MCM3AP: variants seen among roughly 807,000 people sequenced by gnomAD.
The protein encoded by MCM3AP is germinal-center associated nuclear protein.
In MCM3AP, 126 loss-of-function variants were observed where a neutral mutation model predicts 184.1. The ratio of observed to expected loss-of-function variants is 0.68; its 90% CI spans 0.59 to 0.79. The LOEUF (loss-of-function observed/expected upper bound fraction) is 0.79, where lower values mean the gene tolerates loss of function less well. MCM3AP is among the 30% of genes least tolerant of loss of function. MCM3AP has a pLI of 0.00. For synonymous variants in MCM3AP, 1,002 were observed against 979.3 expected (o/e 1.02, Z -0.43); for missense variants, 2,496 against 2,479.2 (o/e 1.01, Z -0.14).
Position 46,267,272 on chromosome 21 carries a change from C to T in MCM3AP, c.2629-130G>A, listed in dbSNP as rs1437560198. 31 of 817,976 alleles carry T rather than the reference C, an allele frequency of 3.8e-5. No individual in the cohort carries two copies. In the Admixed American group the frequency reaches 4.3e-4, roughly 11 times the overall value. The allele number at this position is 817,976 out of a possible 1,614,324, so 50.7% of individuals were successfully genotyped here. On this transcript the variant is annotated intron_variant, in intron 9 of 27. Transcript: ENST00000291688. ...CTCCTGGGCTGAGTCCACCAGAAGG[C>T]GCTTTGGCAACACGGAACCCAAGCT...
intron 5 of MCM3AP, among the ~76,000 whole-genome samples, chr21:46,275,998 T>TC (rs1282450601): frequency 6.6e-6 from 1 of 152,210 alleles, no homozygotes; most frequent in African/African-American, 2.4e-5. Flanking sequence ...ACGCCTGTAA[T>TC]CCCAGCACTT....
intron 4 of MCM3AP, among the ~76,000 whole-genome samples, chr21:46,278,092 A>G (rs1367367770): frequency 6.6e-6 from 1 of 151,962 alleles, no homozygotes. Flanking sequence ...CAGAGGTTGC[A>G]GTGAGCTGAG....
intron 13 of MCM3AP, among the ~76,000 whole-genome samples, chr21:46,262,710 G>A (rs2081055493): frequency 6.6e-6 from 1 of 152,042 alleles, no homozygotes; most frequent in African/African-American, 2.4e-5. Flanking sequence ...GCTCACGCCT[G>A]TAATCCCAGC....
chr21:46,270,678 C>A (rs986491143), intron 8 of MCM3AP, 115 bp from the exon 9 acceptor site: 1 of 918,138 alleles, frequency 1.1e-6, no homozygotes, highest in African/African-American at 1.7e-5. Flanking sequence ...GTGGCTCACA[C>A]CTGTAATCCC....
intron 4 of MCM3AP, among the ~76,000 whole-genome samples, chr21:46,278,802 T>C (rs2081286663): frequency 6.6e-6 from 1 of 151,876 alleles, no homozygotes; most frequent in Non-Finnish European, 1.5e-5. Flanking sequence ...GCCTCACAAG[T>C]AGCTGGGACT....
Position 46,261,551 on chromosome 21 carries a change from A to G in MCM3AP, c.3336-140T>C, listed in dbSNP as rs560869427. On this transcript the variant is annotated intron_variant, in intron 13 of 27. Coordinates refer to ENST00000291688, the MANE Select transcript of MCM3AP (RefSeq NM_003906.5). ...AGATCAAGACCATTCTGGCCAACAC[A>G]GTGAAACCCCATCTCTACTAAAAAT... The G allele has an allele frequency of 2.5e-4, 178 of 706,458 alleles. No homozygotes were observed. The East Asian group carries it at 4.6e-3, about 18-fold the overall frequency. The allele number at this position is 706,458 out of a possible 1,614,324, so 43.8% of individuals were successfully genotyped here.
At chr21:46,277,350 T>A (rs989558124) in intron 5 of MCM3AP, among the ~76,000 whole-genome samples, 177 bp downstream of exon 5, 1 of 152,118 alleles carries the variant, frequency 6.6e-6, no homozygotes, top group African/African-American at 2.4e-5. Flanking sequence ...TATGTACACA[T>A]ACACGCAACA....
At chr21:46,279,274 AGACT>A (rs2081295529) in intron 4 of MCM3AP, among the ~76,000 whole-genome samples, 1 of 137,530 alleles carries the variant, frequency 7.3e-6, no homozygotes, top group South Asian at 2.4e-4. Context: ...GGCAACAGCC[AGACT>A]GTGTCTCAAA....
At position 46,237,829 on chromosome 21, in the gene MCM3AP, G is replaced by A. The variant is rs544550684; in HGVS notation, c.5634-850C>T. Among the ~76,000 whole-genome samples, 298 of 117,732 alleles carry A rather than the reference G, an allele frequency of 2.5e-3. 89 individuals are homozygous for A. The highest frequency in any genetic ancestry group is 4.4e-3 in the Middle Eastern group (1 of 228). 77.2% of individuals were successfully genotyped at this position (117,732 alleles called of 152,430 possible). A position where few individuals can be genotyped will look rare whatever the true frequency, so the allele number is the denominator to read the frequency against. The stretch of plus-strand genomic sequence containing the variant: ...AAAAAAAAAAACTAGGCTGGGCTCG[G>A]TGGCTCATGCCTGTAATCCCAACAC... On this transcript the variant is annotated intron_variant, in intron 26 of 27. Transcript: ENST00000291688.
At chr21:46,240,737 C>A in intron 26 of MCM3AP, 74 bp downstream of exon 26, 1 of 1,341,534 alleles carries the variant, frequency 7.5e-7, no homozygotes. Context: ...TTATATTAAT[C>A]AAGCAATAAC....
In MCM3AP at chr21:46,247,106, CAA is replaced by C. The variant is rs2080785919; in HGVS notation, c.4291-222_4291-221del. 3.5e-5 allele frequency: 18 copies of C among 515,348 alleles called. No individual in the cohort carries two copies. The South Asian group carries it at 5.1e-4, about 15-fold the overall frequency. The allele number at this position is 515,348 out of a possible 1,614,324, so 31.9% of individuals were successfully genotyped here. A position where few individuals can be genotyped will look rare whatever the true frequency, so the allele number is the denominator to read the frequency against. ...CTCTTTCCCTAAATCCAATTGTTAG[CAA>C]AGACTCCCCTCAACCTTTTTTTTTT... is the stretch of plus-strand genomic sequence containing the variant. On this transcript the variant is annotated intron_variant, in intron 20 of 27. Transcript: ENST00000291688.
intron 25 of MCM3AP, 199 bp downstream of exon 25, chr21:46,242,603 A>G (rs531364039): frequency 1.5e-5 from 7 of 452,324 alleles, no homozygotes; most frequent in Non-Finnish European, 7.8e-6. Flanking sequence ...AGGGTCAGGT[A>G]TGCCTGATAA....
intron 26 of MCM3AP, among the ~76,000 whole-genome samples, chr21:46,240,084 G>C (rs1383510465): frequency 1.3e-5 from 2 of 152,286 alleles, no homozygotes; most frequent in South Asian, 2.1e-4. Flanking sequence ...TCTGTGTGCT[G>C]CTGATGGGCA....
At chr21:46,283,572 G>A in intron 2 of MCM3AP, 43 bp downstream of exon 2, 1 of 1,383,994 alleles carries the variant, frequency 7.2e-7, no homozygotes, top group Non-Finnish European at 1.0e-6. Flanking sequence ...AAAGTGACAA[G>A]GTTCAAATCT....
chr21:46,282,979 G>T (rs945617713), intron 2 of MCM3AP, among the ~76,000 whole-genome samples: 2 of 151,496 alleles, frequency 1.3e-5, no homozygotes, highest in African/African-American at 4.8e-5. Flanking sequence ...AGACTGGAGT[G>T]CAGTGGCACG....
At position 46,284,013 on chromosome 21, in the gene MCM3AP, G is replaced by A. The variant is rs894874684; in HGVS notation, c.1219+55C>T. The A allele has an allele frequency of 5.1e-5, 80 of 1,566,044 alleles. No homozygotes were observed. The African/African-American group carries it at 8.6e-4, about 17-fold the overall frequency. On this transcript the variant is annotated intron_variant, in intron 1 of 27. Transcript: ENST00000291688. ...AAATCAAGCTAACACCCAGAGAAACGTATTGAAAACCTGCCTGCAGGATTT... is the reference window on the plus strand; with the variant it reads ...AAATCAAGCTAACACCCAGAGAAACATATTGAAAACCTGCCTGCAGGATTT...
chr21:46,259,756 T>A (rs1374075800), intron 15 of MCM3AP, among the ~76,000 whole-genome samples: 4 of 151,646 alleles, frequency 2.6e-5, no homozygotes, highest in Non-Finnish European at 5.9e-5. Context: ...ACTAAAAATA[T>A]GAAAAATTAG....
intron 27 of MCM3AP, 136 bp from the exon 28 acceptor site, chr21:46,235,562 T>C: frequency 1.5e-6 from 1 of 678,206 alleles, no homozygotes; most frequent in Non-Finnish European, 2.5e-6. Flanking sequence ...GGAAAAAAAT[T>C]ATCCTTTGTA....
intron 16 of MCM3AP, among the ~76,000 whole-genome samples, chr21:46,257,677 T>C (rs1346892997): frequency 1.3e-5 from 2 of 151,606 alleles, no homozygotes; most frequent in Non-Finnish European, 2.9e-5. Flanking sequence ...TCCCAGCACT[T>C]TGGGAGGCCG....
Sources: gnomAD v4.1 joint callset for allele counts (sites outside exome capture counted in the v4.1 genomes callset) on GRCh38, gnomAD v4.1.1 for gene constraint, MANE v1.5 for transcripts, NCBI Gene and HGNC (gene_info 2026-07-23, HGNC 2026-07-21) for gene names.